Variants in CHIC1 observed in about 807,000 individuals in gnomAD.
The protein encoded by CHIC1 is cysteine-rich hydrophobic domain-containing protein 1.
In CHIC1, 7 loss-of-function variants were observed where a neutral mutation model predicts 18.5. That is an observed-to-expected ratio of 0.38 (90% CI 0.22 to 0.71). The LOEUF (loss-of-function observed/expected upper bound fraction) is 0.71, where lower values mean the gene tolerates loss of function less well. Among genes scored for constraint, CHIC1 ranks in the 30% least tolerant of loss-of-function variants. CHIC1 has a pLI of 0.49. For synonymous variants in CHIC1, 77 were observed against 73.5 expected (o/e 1.05, Z -0.25); for missense variants, 159 against 176.9 (o/e 0.90, Z 0.57).
chrX:73,643,468 A>C (rs1177551795), intron 3 of CHIC1, among the ~76,000 whole-genome samples: 1 of 111,572 alleles, frequency 9.0e-6, no homozygotes, highest in Non-Finnish European at 1.9e-5. Context: ...AGTGTTTTCC[A>C]ACTTGGTTCC....
At chrX:73,593,766 T>A (rs1191049299) in intron 3 of CHIC1, among the ~76,000 whole-genome samples, 1 of 111,624 alleles carries the variant, frequency 9.0e-6, no homozygotes, top group African/African-American at 3.3e-5. Flanking sequence ...AGAAGTTCAG[T>A]TTGGTGCTTT....
At position 73,683,940 on chromosome X, in the gene CHIC1, G is replaced by C. The variant is rs1488941423; in HGVS notation, c.*2935G>C. The stretch of plus-strand genomic sequence containing the variant: ...CCTCCTAATGCTAATTTAGGAAAGA[G>C]ACCACTGTAGTAAAACTTTAGAAGA... On this transcript the variant is annotated 3_prime_UTR_variant, in exon 6 of 6. Transcript: ENST00000373502. 8.9e-6 allele frequency: 1 copy of C among 111,819 alleles called. No individual in the cohort carries two copies. Among genetic ancestry groups the C allele is most frequent in the Admixed American group, 9.6e-5 (1 of 10,470 alleles). 9.2% of individuals were successfully genotyped at this position (111,819 alleles called of 1,213,427 possible). A position where few individuals can be genotyped will look rare whatever the true frequency, so the allele number is the denominator to read the frequency against.
intron 3 of CHIC1, among the ~76,000 whole-genome samples, chrX:73,628,316 C>T (rs1393105939): frequency 2.7e-5 from 3 of 111,965 alleles, no homozygotes; most frequent in Non-Finnish European, 5.6e-5. Context: ...TGTTGTGTGA[C>T]TCACAGTCCA....
At chrX:73,660,899 G>T (rs781146502) in intron 3 of CHIC1, among the ~76,000 whole-genome samples, 1 of 112,211 alleles carries the variant, frequency 8.9e-6, no homozygotes, top group Non-Finnish European at 1.9e-5. Flanking sequence ...TTTTAGCAAA[G>T]TGCTTTTCTA....
rs2058111797 is a variant in CHIC1, at chrX:73,684,212, T to G, written c.*3207T>G. 1 of 110,995 alleles carries G rather than the reference T, an allele frequency of 9.0e-6. No homozygotes were observed. The highest frequency in any genetic ancestry group is 3.7e-4 in the South Asian group (1 of 2,672). 9.1% of individuals were successfully genotyped at this position (110,995 alleles called of 1,213,427 possible). On this transcript the variant is annotated 3_prime_UTR_variant, in exon 6 of 6. Coordinates refer to ENST00000373502, the MANE Select transcript of CHIC1 (RefSeq NM_001039840.4). Reference sequence around the variant, plus strand: ...TCAGTCACTTAAAAAAACAGTATAATTCTAATGCTAGTAAACATGTAATTT... The same window carrying G: ...TCAGTCACTTAAAAAAACAGTATAAGTCTAATGCTAGTAAACATGTAATTT...
chrX:73,598,642 C>G (rs1297927510), intron 3 of CHIC1, among the ~76,000 whole-genome samples: 2 of 109,340 alleles, frequency 1.8e-5, no homozygotes, highest in Non-Finnish European at 3.8e-5. Flanking sequence ...TCATCCATGT[C>G]CCTACAAAGG....
intron 3 of CHIC1, among the ~76,000 whole-genome samples, chrX:73,657,655 G>T (rs2057957143): frequency 8.9e-6 from 1 of 111,843 alleles, no homozygotes; most frequent in African/African-American, 3.3e-5. Context: ...CCAATACTAT[G>T]TTGAATAGGA....
rs777269875 is a variant in CHIC1 at position 73,594,570 on chromosome X, G to A, written c.507+9998G>A. ...TCCAGTAGATAGAGTTTAAATGTAA[G>A]GGCCAGCAGATAGGATTTTACTCAG... is the stretch of plus-strand genomic sequence containing the variant. On this transcript the variant is annotated intron_variant, in intron 3 of 5. Coordinates refer to ENST00000373502, the MANE Select transcript of CHIC1 (RefSeq NM_001039840.4). Among the ~76,000 whole-genome samples, 5 of 112,103 alleles carry A rather than the reference G, an allele frequency of 4.5e-5. No homozygotes were observed. The East Asian group carries it at 1.1e-3, about 25-fold the overall frequency.
chrX:73,621,527 T>A (rs1032476118), intron 3 of CHIC1, among the ~76,000 whole-genome samples: 1 of 112,229 alleles, frequency 8.9e-6, no homozygotes, highest in African/African-American at 3.2e-5. Context: ...GGAATGCTTG[T>A]GATTTTTGCA....
intron 3 of CHIC1, among the ~76,000 whole-genome samples, chrX:73,611,468 C>T (rs1220686827): frequency 4.6e-5 from 5 of 108,388 alleles, no homozygotes; most frequent in Admixed American, 1.9e-4. Context: ...TGAATAGTGC[C>T]GCAATAAACA....
At chrX:73,641,662 TC>T (rs1000546810) in intron 3 of CHIC1, among the ~76,000 whole-genome samples, 15 of 107,508 alleles carry the variant, frequency 1.4e-4, no homozygotes, top group Non-Finnish European at 2.5e-4. Context: ...AGCCATCCCT[TC>T]CCCCCTCCCC....
chrX:73,673,230 G>A (rs1603350789), intron 3 of CHIC1, among the ~76,000 whole-genome samples: 1 of 111,526 alleles, frequency 9.0e-6, no homozygotes, highest in South Asian at 3.8e-4. Flanking sequence ...TGGCGATGCG[G>A]GCTCTTTTTT....
intron 3 of CHIC1, among the ~76,000 whole-genome samples, chrX:73,602,564 G>C (rs1439923090): frequency 9.2e-6 from 1 of 108,647 alleles, no homozygotes; most frequent in Non-Finnish European, 1.9e-5. Context: ...CATTGGTTTT[G>C]GTGTTTCAGT....
intron 3 of CHIC1, among the ~76,000 whole-genome samples, chrX:73,592,210 C>G (rs576538177): frequency 1.8e-5 from 2 of 110,685 alleles, no homozygotes; most frequent in African/African-American, 6.6e-5. Context: ...TGACTGATTG[C>G]TCTGTCTAGG....
At chrX:73,616,221 G>A (rs1245165417) in intron 3 of CHIC1, among the ~76,000 whole-genome samples, 10 of 111,130 alleles carry the variant, frequency 9.0e-5, no homozygotes, top group African/African-American at 3.0e-4. Context: ...CTCCAGGCAG[G>A]CCTTTGTTAG....
intron 3 of CHIC1, among the ~76,000 whole-genome samples, chrX:73,608,233 C>T (rs2057691918): frequency 9.2e-6 from 1 of 109,048 alleles, no homozygotes; most frequent in African/African-American, 3.6e-5. Flanking sequence ...TACTTCTAGG[C>T]TCGGTGTTCT....
At chrX:73,674,690 G>A (rs1029864397) in intron 3 of CHIC1, among the ~76,000 whole-genome samples, 4 of 111,338 alleles carry the variant, frequency 3.6e-5, no homozygotes, top group African/African-American at 1.3e-4. Flanking sequence ...ACCAGCTCCT[G>A]GATTCATTGA....
At chrX:73,579,854 A>G (rs1442429711) in intron 2 of CHIC1, among the ~76,000 whole-genome samples, 2 of 110,792 alleles carry the variant, frequency 1.8e-5, no homozygotes, top group Non-Finnish European at 3.8e-5. Flanking sequence ...CTTGAATAAT[A>G]GTGTATTTTT....
intron 3 of CHIC1, among the ~76,000 whole-genome samples, chrX:73,674,378 TG>T (rs955522523): frequency 4.5e-5 from 5 of 112,010 alleles, no homozygotes; most frequent in African/African-American, 1.6e-4. Flanking sequence ...TTTTTTTGGT[TG>T]GTAAGCTATT....
Sources: gnomAD v4.1 joint callset for allele counts (sites outside exome capture counted in the v4.1 genomes callset) on GRCh38, gnomAD v4.1.1 for gene constraint, MANE v1.5 for transcripts, NCBI Gene and HGNC (gene_info 2026-07-23, HGNC 2026-07-21) for gene names.